NME7: variants seen among roughly 807,000 people sequenced by gnomAD.
NME7 encodes nucleoside diphosphate kinase 7.
Under a neutral mutation model 49.1 loss-of-function variants are expected in NME7, and 41 were observed. The ratio of observed to expected loss-of-function variants is 0.83; its 90% CI spans 0.65 to 1.08. The LOEUF (loss-of-function observed/expected upper bound fraction) is 1.08, where lower values mean the gene tolerates loss of function less well. Among genes scored for constraint, NME7 ranks in the 50% least tolerant of loss-of-function variants. The pLI is 0.00. For synonymous variants in NME7, 139 were observed against 150.6 expected, an observed-to-expected ratio of 0.92 and a Z score of 0.56; for missense variants, 423 against 463.4, an observed-to-expected ratio of 0.91 and a Z score of 0.80.
At chr1:169,283,990 G>A (rs1295339953) in intron 7 of NME7, 1 of 152,046 alleles carries the variant, frequency 6.6e-6, no homozygotes, top group Non-Finnish European at 1.5e-5. Context: ...TTGAATGTTG[G>A]TCTGTTTTGC....
intron 6 of NME7, among the ~76,000 whole-genome samples, chr1:169,292,262 T>C (rs1385686783): frequency 2.0e-5 from 3 of 152,154 alleles, no homozygotes; most frequent in African/African-American, 7.2e-5. Flanking sequence ...TTGGTGACCT[T>C]AGGTGTGGGA....
intron 1 of NME7, among the ~76,000 whole-genome samples, chr1:169,364,488 C>A (rs949981266): frequency 2.0e-5 from 3 of 151,858 alleles, no homozygotes; most frequent in African/African-American, 7.3e-5. Context: ...TCAAGCAATC[C>A]TCTGACCTCA....
At chr1:169,158,257 T>TA (rs1466107675) in intron 11 of NME7, among the ~76,000 whole-genome samples, 1 of 152,228 alleles carries the variant, frequency 6.6e-6, no homozygotes, top group Non-Finnish European at 1.5e-5. Context: ...GTATGAGAGA[T>TA]AAAGTTTAAT....
At chr1:169,245,348 T>C (rs1648268559) in intron 7 of NME7, among the ~76,000 whole-genome samples, 1 of 152,130 alleles carries the variant, frequency 6.6e-6, no homozygotes, top group African/African-American at 2.4e-5. Context: ...AAAAGGACAC[T>C]TTGGTGAGCA....
Position 169,230,740 on chromosome 1 carries a change from T to G in NME7, c.968A>C (p.Glu323Ala). The G allele has an allele frequency of 6.2e-7, 1 of 1,602,056 alleles. No homozygotes were observed. ...TACAGGATCAGCAGGTCCACAAAAT[T>G]CTCGAAATGTCTTTGTAGCATTATT... Reference protein sequence around the residue: ...QQNNATKTFREFCGPADPEIA... With the variant: ...QQNNATKTFRAFCGPADPEIA... The change falls in exon 10 of 12, where the codon GAA becomes GCA. Residue 323 changes from glutamate (E) to alanine (A), a missense_variant. Physicochemically the swap from Glu to Ala is moderately radical, Grantham distance 107 (BLOSUM62 -1). Transcript: ENST00000367811.
chr1:169,334,745 A>G lies in NME7; in HGVS notation c.4-10245T>C, dbSNP rs1652392579. 2.0e-5 allele frequency among the ~76,000 whole-genome samples: 3 copies of G among 152,350 alleles called. No individual in the cohort carries two copies. In the South Asian group the frequency reaches 6.2e-4, roughly 32 times the overall value. ...ATTAATTAAACTAAAGAGCTTCTGC[A>G]CAGCAAAAGAAACTATCATCAGAGT... On this transcript the variant is annotated intron_variant, in intron 1 of 11. Transcript: ENST00000367811.
chr1:169,157,838 C>T (rs1020060750), intron 11 of NME7, among the ~76,000 whole-genome samples: 5 of 152,190 alleles, frequency 3.3e-5, no homozygotes, highest in South Asian at 2.1e-4. Context: ...AAGCCGACTT[C>T]GAAGAAGTCT....
intron 10 of NME7, among the ~76,000 whole-genome samples, chr1:169,214,592 G>T (rs1216487245): frequency 6.6e-6 from 1 of 152,180 alleles, no homozygotes. Flanking sequence ...AAAGAGAAAA[G>T]AAAAAGGCTT....
At chr1:169,211,134 T>C (rs1302963658) in intron 10 of NME7, among the ~76,000 whole-genome samples, 1 of 152,174 alleles carries the variant, frequency 6.6e-6, no homozygotes, top group African/African-American at 2.4e-5. Context: ...TGGAAGACTG[T>C]ATGAGAGGAT....
At chr1:169,241,501 C>G (rs4656668) in intron 7 of NME7, among the ~76,000 whole-genome samples, 1 of 151,710 alleles carries the variant, frequency 6.6e-6, no homozygotes, top group African/African-American at 2.4e-5. Context: ...GAAATTTAAT[C>G]TAATCTAAAT....
At chr1:169,350,939 C>T (rs1653150867) in intron 1 of NME7, among the ~76,000 whole-genome samples, 2 of 152,050 alleles carry the variant, frequency 1.3e-5, no homozygotes, top group African/African-American at 2.4e-5. Flanking sequence ...GGGAATAAGA[C>T]TAGATCAATA....
At chr1:169,190,792 C>CTT in intron 10 of NME7, 2 of 127,400 alleles carry the variant, frequency 1.6e-5, no homozygotes, top group Non-Finnish European at 3.0e-5. Flanking sequence ...AGCAAGTGAA[C>CTT]TGTTTCTTTT....
intron 1 of NME7, among the ~76,000 whole-genome samples, chr1:169,341,886 GC>G (rs1430808689): frequency 1.3e-5 from 2 of 152,284 alleles, no homozygotes; most frequent in Admixed American, 6.5e-5. Context: ...CAATGCCTGT[GC>G]CCCCACTGTA....
chr1:169,313,483 C>G (rs937638784), intron 3 of NME7, among the ~76,000 whole-genome samples: 2 of 152,154 alleles, frequency 1.3e-5, no homozygotes, highest in African/African-American at 4.8e-5. Context: ...AACTACCAAT[C>G]ATACAGACTG....
At chr1:169,151,330 A>T (rs751146269) in intron 11 of NME7, among the ~76,000 whole-genome samples, 10 of 152,136 alleles carry the variant, frequency 6.6e-5, no homozygotes, top group Non-Finnish European at 1.0e-4. Flanking sequence ...AAGTGGCAGG[A>T]TGGAGTGGGA....
chr1:169,365,591 CA>C (rs1653822411), intron 1 of NME7, among the ~76,000 whole-genome samples: 1 of 151,832 alleles, frequency 6.6e-6, no homozygotes, highest in Non-Finnish European at 1.5e-5. Flanking sequence ...AAGGGAAAGG[CA>C]AAAGCTAGAC....
chr1:169,309,827 G>C, intron 4 of NME7, 143 bp downstream of exon 4: 1 of 553,620 alleles, frequency 1.8e-6, no homozygotes, highest in Non-Finnish European at 3.1e-6. Context: ...ACTCCTGTCA[G>C]TTCCCATTTT....
rs111828368 is a variant in NME7, at chr1:169,365,274, C to T, written c.3+2434G>A. ...CACAACTTCCAAGCTGTCAGGGAGG[C>T]GGATTTTAGAAATATTTCCCATCCT... On this transcript the variant is annotated intron_variant, in intron 1 of 11. Coordinates refer to ENST00000367811, the MANE Select transcript of NME7 (RefSeq NM_013330.5). Among the ~76,000 whole-genome samples the T allele has an allele frequency of 6.6e-5, 10 of 152,268 alleles. 1 individual carries two copies. Among genetic ancestry groups the T allele is most frequent in the African/African-American group, 2.2e-4 (9 of 41,566 alleles).
chr1:169,132,688 T>G lies in NME7; in HGVS notation c.*97A>C. On this transcript the variant is annotated 3_prime_UTR_variant, in exon 12 of 12. Coordinates refer to ENST00000367811, the MANE Select transcript of NME7 (RefSeq NM_013330.5). ...CTTGTTGATCTTGTATTCAGTCAGG[T>G]TAAAACAACGGACAATAAAAGAATG... The G allele has an allele frequency of 8.4e-7, 1 of 1,189,598 alleles. No individual in the cohort carries two copies. Among genetic ancestry groups the G allele is most frequent in the Admixed American group, 1.9e-5 (1 of 52,636 alleles). The allele number at this position is 1,189,598 out of a possible 1,614,324, so 73.7% of individuals were successfully genotyped here.
Sources: gnomAD v4.1 joint callset for allele counts (sites outside exome capture counted in the v4.1 genomes callset) on GRCh38, gnomAD v4.1.1 for gene constraint, MANE v1.5 for transcripts, NCBI Gene and HGNC (gene_info 2026-07-23, HGNC 2026-07-21) for gene names.